Variants in NTNG1 observed in about 807,000 individuals in gnomAD.
NTNG1 encodes the protein netrin-G1.
Under a neutral mutation model 54.0 loss-of-function variants are expected in NTNG1, and 16 were observed. The ratio of observed to expected loss-of-function variants is 0.30; its 90% CI spans 0.20 to 0.45. NTNG1 has a LOEUF of 0.45. Ranked by LOEUF, NTNG1 falls within the 20% of genes least tolerant of loss-of-function variation. The probability of loss-of-function intolerance (pLI) is 1.00; values close to 1 mark genes in which losing one functional copy is unlikely to be tolerated. For missense variants in NTNG1, 530 were observed against 678.7 expected (o/e 0.78, Z 2.43); for synonymous variants, 255 against 263.1 (o/e 0.97, Z 0.30).
chr1:107,430,440 C>T (rs1002126807), intron 5 of NTNG1, among the ~76,000 whole-genome samples: 1 of 152,062 alleles, frequency 6.6e-6, no homozygotes, highest in Non-Finnish European at 1.5e-5. Flanking sequence ...TAGACTTTTT[C>T]ATCACTAGAA....
chr1:107,467,904 C>G (rs1677710094), intron 7 of NTNG1, among the ~76,000 whole-genome samples: 1 of 152,330 alleles, frequency 6.6e-6, no homozygotes, highest in South Asian at 2.1e-4. Context: ...TCATTTTGCA[C>G]ATTCTCGTGA....
intron 5 of NTNG1, among the ~76,000 whole-genome samples, chr1:107,414,454 GA>G (rs544777769): frequency 2.0e-3 from 307 of 152,216 alleles, no homozygotes; most frequent in African/African-American, 7.1e-3. Context: ...TTAAAGGTTA[GA>G]AATCAAATAT....
At chr1:107,449,799 G>A (rs994825727) in intron 7 of NTNG1, among the ~76,000 whole-genome samples, 1 of 151,040 alleles carries the variant, frequency 6.6e-6, no homozygotes, top group Non-Finnish European at 1.5e-5. Context: ...TGTCAGCAGC[G>A]TAACTGCTTT....
chr1:107,213,955 T>A (rs746034087), intron 2 of NTNG1, among the ~76,000 whole-genome samples: 4 of 152,206 alleles, frequency 2.6e-5, no homozygotes, highest in African/African-American at 9.6e-5. Context: ...TTTTAAAATA[T>A]ATTTTGGATA....
chr1:107,195,689 C>T (rs1407386768), intron 2 of NTNG1, among the ~76,000 whole-genome samples: 1 of 151,920 alleles, frequency 6.6e-6, no homozygotes, highest in Non-Finnish European at 1.5e-5. Context: ...CCACATTGTC[C>T]TCCTTGTTCT....
At chr1:107,392,577 T>C (rs903222424) in intron 3 of NTNG1, among the ~76,000 whole-genome samples, 2 of 152,008 alleles carry the variant, frequency 1.3e-5, no homozygotes, top group African/African-American at 4.8e-5. Flanking sequence ...AAATAAGGCA[T>C]GGAAAAGTAT....
chr1:107,183,591 T>C (rs1329075033), intron 2 of NTNG1, among the ~76,000 whole-genome samples: 6 of 152,166 alleles, frequency 3.9e-5, no homozygotes. Context: ...TTTGGATGAT[T>C]ATGCCACTTG....
At chr1:107,460,698 TG>T (rs1677230722) in intron 7 of NTNG1, among the ~76,000 whole-genome samples, 1 of 152,200 alleles carries the variant, frequency 6.6e-6, no homozygotes, top group Non-Finnish European at 1.5e-5. Context: ...CTGTGAAAAC[TG>T]ATGCTGGAAA....
intron 3 of NTNG1, among the ~76,000 whole-genome samples, chr1:107,325,241 C>T (rs1283761703): frequency 6.6e-6 from 1 of 152,008 alleles, no homozygotes. Flanking sequence ...AACCATTTGC[C>T]CTATAACGAA....
intron 3 of NTNG1, among the ~76,000 whole-genome samples, chr1:107,356,184 A>G (rs1188274679): frequency 2.6e-5 from 4 of 152,212 alleles, no homozygotes; most frequent in African/African-American, 9.6e-5. Context: ...ATATTTTAAA[A>G]GCTCTTTAAG....
chr1:107,243,527 A>C (rs888513290), intron 2 of NTNG1, among the ~76,000 whole-genome samples: 2 of 152,224 alleles, frequency 1.3e-5, no homozygotes, highest in African/African-American at 4.8e-5. Context: ...ACAGAATTGT[A>C]TAAGTTGGTT....
At chr1:107,397,539 T>G (rs1447633787) in intron 4 of NTNG1, among the ~76,000 whole-genome samples, 1 of 152,192 alleles carries the variant, frequency 6.6e-6, no homozygotes, top group East Asian at 1.9e-4. Context: ...CCATCTCTAA[T>G]GCGAGGATAA....
chr1:107,195,793 C>G (rs1658275122), intron 2 of NTNG1, among the ~76,000 whole-genome samples: 1 of 151,928 alleles, frequency 6.6e-6, no homozygotes. Flanking sequence ...GACTTGCTCC[C>G]TTGTTTATAT....
chr1:107,455,284 G>A (rs1676880434), intron 7 of NTNG1, among the ~76,000 whole-genome samples: 2 of 152,090 alleles, frequency 1.3e-5, no homozygotes, highest in Non-Finnish European at 2.9e-5. Context: ...GGCTGGTGTC[G>A]AACTCCTGAC....
chr1:107,360,038 A>G (rs1224368391), intron 3 of NTNG1, among the ~76,000 whole-genome samples: 1 of 152,222 alleles, frequency 6.6e-6, no homozygotes, highest in East Asian at 1.9e-4. Context: ...CTGTTCACAC[A>G]TGGTTGCTGC....
At chr1:107,140,490 C>G (rs938168872), upstream of NTNG1, among the ~76,000 whole-genome samples, 15 of 151,950 alleles carry the variant, frequency 9.9e-5, no homozygotes, top group African/African-American at 2.7e-4. Context: ...TTTCATCAAA[C>G]GGACTTTGGG....
chr1:107,169,930 C>T (rs1008234326), intron 2 of NTNG1, among the ~76,000 whole-genome samples: 6 of 152,194 alleles, frequency 3.9e-5, no homozygotes, highest in African/African-American at 1.4e-4. Flanking sequence ...TGTGCACAGA[C>T]TAAAGCTGCT....
intron 4 of NTNG1, 116 bp downstream of exon 4, chr1:107,395,442 A>T: frequency 1.0e-6 from 1 of 979,828 alleles, no homozygotes; most frequent in Non-Finnish European, 1.6e-6. Context: ...TTCTTCTTTA[A>T]AGTGCAGCGA....
intron 7 of NTNG1, among the ~76,000 whole-genome samples, chr1:107,472,018 A>AT (rs1678012038): frequency 6.6e-6 from 1 of 152,168 alleles, no homozygotes; most frequent in Non-Finnish European, 1.5e-5. Flanking sequence ...GACAAGTGTT[A>AT]TTATCCTGCT....
Sources: allele counts gnomAD v4.1 joint callset (sites outside exome capture counted in the v4.1 genomes callset), GRCh38; gene constraint gnomAD v4.1.1; transcripts MANE v1.5; gene names NCBI Gene and HGNC (gene_info 2026-07-23, HGNC 2026-07-21).